Variants in CCDC60 observed in about 807,000 individuals in gnomAD.
CCDC60 encodes coiled-coil domain-containing protein 60.
CCDC60 carries 54 observed loss-of-function variants against 63.5 expected under a neutral mutation model. That is an observed-to-expected ratio of 0.85 (90% CI 0.68 to 1.07). The LOEUF is 1.07. Ranked by LOEUF, CCDC60 falls within the 50% of genes least tolerant of loss-of-function variation. The pLI, the probability that CCDC60 is intolerant of heterozygous loss-of-function variation, is 0.00. For missense variants in CCDC60, 651 were observed against 684.3 expected, an observed-to-expected ratio of 0.95 and a Z score of 0.54; for synonymous variants, 206 against 238.8, an observed-to-expected ratio of 0.86 and a Z score of 1.27.
chr12:119,527,070 ATAT>A (rs1370734992), intron 11 of CCDC60, among the ~76,000 whole-genome samples: 1 of 152,244 alleles, frequency 6.6e-6, no homozygotes, highest in Non-Finnish European at 1.5e-5. Context: ...ATACCATGGA[ATAT>A]TATGCAGCCA....
At chr12:119,531,184 T>G in intron 13 of CCDC60, 121 bp downstream of exon 13, 1 of 801,856 alleles carries the variant, frequency 1.2e-6, no homozygotes. Flanking sequence ...GGAGCTCATA[T>G]TCTAATAGTA....
intron 2 of CCDC60, among the ~76,000 whole-genome samples, chr12:119,470,311 C>T (rs894835023): frequency 1.3e-5 from 2 of 152,200 alleles, no homozygotes; most frequent in Non-Finnish European, 2.9e-5. Flanking sequence ...TCCTCCATGA[C>T]ACTGTGAACT....
chr12:119,421,045 C>G (rs189924434), intron 1 of CCDC60, among the ~76,000 whole-genome samples: 2 of 152,018 alleles, frequency 1.3e-5, no homozygotes, highest in East Asian at 3.9e-4. Context: ...CTCCCTTCCC[C>G]GCTCACCCCT....
chr12:119,493,471 A>C (rs1951640515), intron 5 of CCDC60, among the ~76,000 whole-genome samples: 1 of 152,218 alleles, frequency 6.6e-6, no homozygotes, highest in African/African-American at 2.4e-5. Context: ...TGTTTGGGTG[A>C]ATGGACAGAT....
At chr12:119,478,733 G>A (rs1232574213) in intron 3 of CCDC60, among the ~76,000 whole-genome samples, 4 of 149,934 alleles carry the variant, frequency 2.7e-5, no homozygotes, top group South Asian at 2.1e-4. Flanking sequence ...TCAGCCTCCC[G>A]AGTAGCTGGG....
chr12:119,405,560 A>T (rs2136186601), intron 1 of CCDC60, among the ~76,000 whole-genome samples: 1 of 152,326 alleles, frequency 6.6e-6, no homozygotes, highest in Admixed American at 6.5e-5. Context: ...ATTTAAAAAA[A>T]ACCAAAAACA....
At chr12:119,500,325 T>C (rs771991228) in intron 6 of CCDC60, among the ~76,000 whole-genome samples, 157 bp downstream of exon 6, 2 of 152,068 alleles carry the variant, frequency 1.3e-5, no homozygotes, top group Admixed American at 6.6e-5. Context: ...ATGGTTTTTG[T>C]AAATTTTAAT....
intron 2 of CCDC60, among the ~76,000 whole-genome samples, chr12:119,468,414 CTG>C (rs1446388794): frequency 1.3e-5 from 2 of 152,158 alleles, no homozygotes; most frequent in Non-Finnish European, 2.9e-5. Flanking sequence ...CATAAGAAAA[CTG>C]AGAGATTATT....
At chr12:119,405,553 T>A (rs1956471922) in intron 1 of CCDC60, among the ~76,000 whole-genome samples, 1 of 151,952 alleles carries the variant, frequency 6.6e-6, no homozygotes, top group Non-Finnish European at 1.5e-5. Context: ...TTCTCAGATT[T>A]AAAAAAAACC....
chr12:119,492,667 G>C (rs568022160), intron 5 of CCDC60, among the ~76,000 whole-genome samples: 2 of 152,160 alleles, frequency 1.3e-5, no homozygotes, highest in Non-Finnish European at 2.9e-5. Flanking sequence ...ACCCAGATGA[G>C]TCAAAGCTCT....
intron 2 of CCDC60, among the ~76,000 whole-genome samples, chr12:119,435,218 C>T (rs1950302836): frequency 6.6e-6 from 1 of 152,118 alleles, no homozygotes; most frequent in Admixed American, 6.5e-5. Flanking sequence ...CTGTCATGGT[C>T]CCAAGAAAGT....
chr12:119,397,061 A>G (rs1039572130), intron 1 of CCDC60, among the ~76,000 whole-genome samples: 6 of 151,706 alleles, frequency 4.0e-5, no homozygotes, highest in African/African-American at 1.5e-4. Flanking sequence ...TCTTAAAGGC[A>G]GGGCATCTGG....
At chr12:119,539,382 C>G (rs1953094140) in intron 13 of CCDC60, among the ~76,000 whole-genome samples, 1 of 152,216 alleles carries the variant, frequency 6.6e-6, no homozygotes, top group Non-Finnish European at 1.5e-5. Flanking sequence ...TTCAGAGATG[C>G]CCTGCCCAGA....
At chr12:119,440,726 A>C (rs1179349969) in intron 2 of CCDC60, among the ~76,000 whole-genome samples, 1 of 152,080 alleles carries the variant, frequency 6.6e-6, no homozygotes, top group East Asian at 1.9e-4. Flanking sequence ...CAGAAGGAGA[A>C]GGTAAACTGT....
rs76355626 is a variant in CCDC60, at chr12:119,507,268, T to G, written c.883+1965T>G. On this transcript the variant is annotated intron_variant, in intron 7 of 13. Coordinates refer to ENST00000327554, the MANE Select transcript of CCDC60 (RefSeq NM_178499.5). ...GGTGGTCAGGGTTCAGAGTAATGAC[T>G]GCCAACAGGAAAAATCCCCACCGCC... Among the ~76,000 whole-genome samples, 767 of 151,612 alleles carry G rather than the reference T, an allele frequency of 5.1e-3. 6 individuals are homozygous for G. The highest frequency in any genetic ancestry group is 0.017 in the African/African-American group (700 of 41,286).
At chr12:119,360,746 G>A (rs1592990484) in intron 1 of CCDC60, among the ~76,000 whole-genome samples, 1 of 152,158 alleles carries the variant, frequency 6.6e-6, no homozygotes, top group East Asian at 1.9e-4. Context: ...CAGCCGGGCA[G>A]AGGCTGCAAT....
intron 4 of CCDC60, among the ~76,000 whole-genome samples, chr12:119,482,009 A>ATATATATATATATATATATGTATATATAG (rs1951333654): frequency 2.5e-5 from 1 of 40,636 alleles, no homozygotes; most frequent in African/African-American, 5.9e-5. Flanking sequence ...TATATATAGT[A>ATATATATATATATATATATGTATATATAG]TATATATATG....
At chr12:119,409,003 G>A (rs1005641700) in intron 1 of CCDC60, among the ~76,000 whole-genome samples, 4 of 152,162 alleles carry the variant, frequency 2.6e-5, no homozygotes, top group Non-Finnish European at 4.4e-5. Flanking sequence ...CATCTCAGAA[G>A]GGACATTGCA....
At position 119,399,756 on chromosome 12, in the gene CCDC60, A is replaced by C. The variant is rs114915355; in HGVS notation, c.91-28927A>C. ...CCCTCCCACATCGCACCCTGTGTTCATGTGGCTGCCACTGGGCATCCAGCT... is the reference window on the plus strand; with the variant it reads ...CCCTCCCACATCGCACCCTGTGTTCCTGTGGCTGCCACTGGGCATCCAGCT... On this transcript the variant is annotated intron_variant, in intron 1 of 13. Coordinates refer to ENST00000327554, the MANE Select transcript of CCDC60 (RefSeq NM_178499.5). Among the ~76,000 whole-genome samples, 134 of 152,286 alleles carry C rather than the reference A, an allele frequency of 8.8e-4. 1 individual carries two copies. Among genetic ancestry groups the C allele is most frequent in the African/African-American group, 3.2e-3 (131 of 41,564 alleles).
Sources: gnomAD v4.1 joint callset for allele counts (sites outside exome capture counted in the v4.1 genomes callset) on GRCh38, gnomAD v4.1.1 for gene constraint, MANE v1.5 for transcripts, NCBI Gene and HGNC (gene_info 2026-07-23, HGNC 2026-07-21) for gene names.